The following CTNND1 variants were observed in gnomAD, a reference collection of about 807,000 sequenced individuals.
CTNND1 encodes the protein catenin delta-1.
Under a neutral mutation model 112.1 loss-of-function variants are expected in CTNND1, and 16 were observed. The ratio of observed to expected loss-of-function variants is 0.14; its 90% CI spans 0.10 to 0.22. The LOEUF (loss-of-function observed/expected upper bound fraction) is 0.22, where lower values mean the gene tolerates loss of function less well. Ranked by LOEUF, CTNND1 falls within the 10% of genes least tolerant of loss-of-function variation. CTNND1 has a pLI of 1.00. For missense variants in CTNND1, 1,008 were observed against 1,257.0 expected (o/e 0.80, Z 3.00); for synonymous variants, 420 against 446.5 (o/e 0.94, Z 0.75).
chr11:57,773,733 T>TA (rs1376234670), intron 1 of CTNND1, among the ~76,000 whole-genome samples: 2 of 151,418 alleles, frequency 1.3e-5, no homozygotes, highest in Admixed American at 6.6e-5. Context: ...GGTCAGGAGT[T>TA]AGAGACCAGC....
At chr11:57,787,152 C>G (rs2060226576) in intron 1 of CTNND1, among the ~76,000 whole-genome samples, 1 of 152,132 alleles carries the variant, frequency 6.6e-6, no homozygotes, top group African/African-American at 2.4e-5. Context: ...TTTCACATTC[C>G]CTTTCTCCAA....
intron 1 of CTNND1, among the ~76,000 whole-genome samples, chr11:57,765,666 C>A (rs535029298): frequency 6.6e-6 from 1 of 151,852 alleles, no homozygotes; most frequent in Non-Finnish European, 1.5e-5. Context: ...TGGGGTCTCT[C>A]TATGTAGTCC....
chr11:57,783,937 A>T (rs939004626), intron 1 of CTNND1, among the ~76,000 whole-genome samples: 2 of 151,686 alleles, frequency 1.3e-5, no homozygotes, highest in African/African-American at 4.8e-5. Context: ...TTACGTATTT[A>T]TTTTTGAGAC....
At position 57,817,836 on chromosome 11, in the gene CTNND1, G is replaced by GATT. The variant is rs1439746588; in HGVS notation, c.*1541_*1543dup. ...AGAGAAATCAGCTGCTATGCGGGTTGATTATTATTATTATTTCTAATCCTT... is the reference window on the plus strand; with the variant it reads ...AGAGAAATCAGCTGCTATGCGGGTTGATTATTATTATTATTATTTCTAATCCTT... On this transcript the variant is annotated 3_prime_UTR_variant, in exon 21 of 21. Transcript: ENST00000399050. 2.0e-5 allele frequency: 3 copies of GATT among 152,414 alleles called. No homozygotes were observed. The highest frequency in any genetic ancestry group is 2.9e-5 in the Non-Finnish European group (2 of 67,990). The allele number at this position is 152,414 out of a possible 1,614,324, so 9.4% of individuals were successfully genotyped here.
intron 6 of CTNND1, among the ~76,000 whole-genome samples, 188 bp downstream of exon 6, chr11:57,797,180 A>G (rs1462502634): frequency 6.7e-6 from 1 of 148,286 alleles, no homozygotes; most frequent in African/African-American, 2.5e-5. Context: ...GACTTGCTAT[A>G]TATATATAAT....
At chr11:57,814,990 C>G (rs2063793411) in intron 18 of CTNND1, among the ~76,000 whole-genome samples, 1 of 152,020 alleles carries the variant, frequency 6.6e-6, no homozygotes, top group Admixed American at 6.6e-5. Flanking sequence ...TTTTTTGAGA[C>G]AGAGTCTCAC....
chr11:57,799,098 T>A (rs1185320069), intron 6 of CTNND1, among the ~76,000 whole-genome samples: 1 of 152,230 alleles, frequency 6.6e-6, no homozygotes, highest in Admixed American at 6.5e-5. Context: ...TGAACAGGGC[T>A]GGGCCCAGGG....
intron 1 of CTNND1, among the ~76,000 whole-genome samples, chr11:57,763,425 T>C (rs1380583084): frequency 6.6e-6 from 1 of 152,204 alleles, no homozygotes; most frequent in Non-Finnish European, 1.5e-5. Context: ...CACAAATTTT[T>C]TTAAGACTAG....
chr11:57,800,478 T>C (rs2061891847), intron 6 of CTNND1, among the ~76,000 whole-genome samples: 1 of 152,052 alleles, frequency 6.6e-6, no homozygotes, highest in Non-Finnish European at 1.5e-5. Context: ...ATGTTGGCCA[T>C]GCTGGTCTCG....
At chr11:57,795,997 A>G (rs192410124) in intron 5 of CTNND1, among the ~76,000 whole-genome samples, 67 of 152,256 alleles carry the variant, frequency 4.4e-4, no homozygotes, top group Middle Eastern at 3.4e-3. Flanking sequence ...GACTTCCTAT[A>G]GGATGGAAAG....
chr11:57,767,637 C>T (rs937572646), intron 1 of CTNND1, among the ~76,000 whole-genome samples: 1 of 151,594 alleles, frequency 6.6e-6, no homozygotes, highest in Non-Finnish European at 1.5e-5. Context: ...ATTGCTTAAT[C>T]TCTCTCTGCC....
chr11:57,815,556 A>T (rs375705160), intron 19 of CTNND1, 56 bp downstream of exon 19: 3 of 1,400,910 alleles, frequency 2.1e-6, no homozygotes, highest in South Asian at 2.3e-5. Context: ...TTTGAAGCCT[A>T]TGTGTTTTGT....
intron 8 of CTNND1, 43 bp downstream of exon 8, chr11:57,803,847 G>T: frequency 7.2e-7 from 1 of 1,392,056 alleles, no homozygotes; most frequent in Non-Finnish European, 9.6e-7. Flanking sequence ...AATTTTTGAG[G>T]ACTGACTTAA....
At chr11:57,797,083 C>A in intron 6 of CTNND1, 91 bp downstream of exon 6, 1 of 1,173,032 alleles carries the variant, frequency 8.5e-7, no homozygotes, top group South Asian at 2.9e-5. Context: ...TTTTTGGGAT[C>A]AGAGATACTC....
rs1295741339 is a variant in CTNND1 at position 57,807,002 on chromosome 11, C to T, written c.1963+19C>T. 2 of 1,557,922 alleles carry T rather than the reference C, an allele frequency of 1.3e-6. No homozygotes were observed. Among genetic ancestry groups the T allele is most frequent in the Non-Finnish European group, 1.8e-6 (2 of 1,140,930 alleles). Reference sequence around the variant, plus strand: ...GCTCGAGGTAAGTTATCTTCTCAGTCTCCAAAGGTCTCATAAACATAGTAC... The same window carrying T: ...GCTCGAGGTAAGTTATCTTCTCAGTTTCCAAAGGTCTCATAAACATAGTAC... On this transcript the variant is annotated intron_variant, in intron 12 of 20. Coordinates refer to ENST00000399050, the MANE Select transcript of CTNND1 (RefSeq NM_001085458.2).
At chr11:57,807,624 A>G (rs896570977) in intron 12 of CTNND1, among the ~76,000 whole-genome samples, 1 of 151,214 alleles carries the variant, frequency 6.6e-6, no homozygotes, top group East Asian at 1.9e-4. Flanking sequence ...AAAAAAAAAA[A>G]AAAAAAAGAA....
intron 14 of CTNND1, 94 bp downstream of exon 14, chr11:57,808,634 C>A: frequency 7.9e-7 from 1 of 1,269,528 alleles, no homozygotes; most frequent in Non-Finnish European, 1.0e-6. Context: ...ATTGAAATGA[C>A]TGAAGGGAAG....
intron 17 of CTNND1, among the ~76,000 whole-genome samples, chr11:57,813,588 C>T (rs1054169398): frequency 6.6e-6 from 1 of 152,144 alleles, no homozygotes; most frequent in Non-Finnish European, 1.5e-5. Context: ...ACATTACTGT[C>T]AACCTTTAAG....
At position 57,818,239 on chromosome 11, in the gene CTNND1, C is replaced by T. The variant is rs2064078562; in HGVS notation, c.*1931C>T. The T allele has an allele frequency of 6.6e-6, 1 of 151,756 alleles. No homozygotes were observed. Among genetic ancestry groups the T allele is most frequent in the South Asian group, 2.1e-4 (1 of 4,756 alleles). The allele number at this position is 151,756 out of a possible 1,614,324, so 9.4% of individuals were successfully genotyped here. A position where few individuals can be genotyped will look rare whatever the true frequency, so the allele number is the denominator to read the frequency against. ...GTGTGGGTAATAGAACAGCCGTGGG[C>T]TTTTGGGGACCTTTAACTTTTTTTT... On this transcript the variant is annotated 3_prime_UTR_variant, in exon 21 of 21. Coordinates refer to ENST00000399050, the MANE Select transcript of CTNND1 (RefSeq NM_001085458.2).
Sources: allele counts gnomAD v4.1 joint callset (sites outside exome capture counted in the v4.1 genomes callset), GRCh38; gene constraint gnomAD v4.1.1; transcripts MANE v1.5; gene names NCBI Gene and HGNC (gene_info 2026-07-23, HGNC 2026-07-21).